Variants in CYB5R4 observed in about 807,000 individuals in gnomAD.
The protein encoded by CYB5R4 is cytochrome b5 reductase 4.
A neutral mutation model predicts 70.2 loss-of-function variants in CYB5R4; 55 were observed. The observed-to-expected ratio is 0.78, with a 90% CI of 0.63 to 0.98. CYB5R4 has a LOEUF of 0.98. CYB5R4 is among the 50% of genes least tolerant of loss of function. CYB5R4 has a pLI of 0.00. For synonymous variants in CYB5R4, 197 were observed against 199.5 expected (o/e 0.99, Z 0.11); for missense variants, 562 against 612.6 (o/e 0.92, Z 0.87).
Position 83,963,915 on chromosome 6 carries a change from T to C in CYB5R4, c.*4037T>C, listed in dbSNP as rs763967971. 13 of 179,204 alleles carry C rather than the reference T, an allele frequency of 7.3e-5. No individual in the cohort carries two copies. The highest frequency in any genetic ancestry group is 1.3e-4 in the Non-Finnish European group (11 of 87,420). 11.1% of individuals were successfully genotyped at this position (179,204 alleles called of 1,614,324 possible). On this transcript the variant is annotated 3_prime_UTR_variant, in exon 16 of 16. Transcript: ENST00000369681. ...CTGTTCTCATGGTAGTGAATAACTC[T>C]CACAAGACCTGGTGGTTTTATCAGG...
intron 4 of CYB5R4, chr6:83,909,946 G>C: frequency 1.5e-6 from 2 of 1,332,134 alleles, no homozygotes; most frequent in Non-Finnish European, 2.1e-6. Flanking sequence ...AATGTTAATA[G>C]TGTTGAAGTA....
intron 15 of CYB5R4, among the ~76,000 whole-genome samples, chr6:83,955,857 A>G (rs531310168): frequency 2.4e-4 from 37 of 152,148 alleles, no homozygotes; most frequent in Non-Finnish European, 2.1e-4. Context: ...TCTGTAACTG[A>G]GTGAAAGTAA....
intron 3 of CYB5R4, among the ~76,000 whole-genome samples, chr6:83,903,426 G>C (rs185166665): frequency 6.6e-6 from 1 of 152,012 alleles, no homozygotes; most frequent in Non-Finnish European, 1.5e-5. Flanking sequence ...TTTGGCTAGT[G>C]TTTTCTTGAC....
chr6:83,955,446 A>G lies in CYB5R4; in HGVS notation c.1495A>G (p.Thr499Ala), dbSNP rs1420026112. The G allele has an allele frequency of 1.9e-6, 3 of 1,613,788 alleles. No individual in the cohort carries two copies. The highest frequency in any genetic ancestry group is 1.7e-6 in the Non-Finnish European group (2 of 1,179,790). The change falls in exon 15 of 16, where the codon ACA becomes GCA. Residue 499 changes from threonine (T) to alanine (A), a missense_variant. Thr to Ala is a moderately conservative substitution (Grantham distance 58). Transcript: ENST00000369681. ...LVCICGPVPF[T>A]EQGVRLLHDL... ...CTGCATTTGTGGACCAGTGCCATTT[A>G]CAGAACAAGGAGTAAGGTGAGTAAC... is the stretch of plus-strand genomic sequence containing the variant.
At chr6:83,917,858 T>C (rs1343246125) in intron 5 of CYB5R4, 147 bp from the exon 6 acceptor site, 2 of 632,594 alleles carry the variant, frequency 3.2e-6, no homozygotes, top group Non-Finnish European at 5.5e-6. Context: ...GCCTTTTGGC[T>C]AAGATCAAGT....
chr6:83,937,206 C>T (rs1054556490), intron 12 of CYB5R4, among the ~76,000 whole-genome samples: 16 of 151,914 alleles, frequency 1.1e-4, no homozygotes, highest in Admixed American at 9.2e-4. Flanking sequence ...ACCCGGGAGG[C>T]GGAGGTTTCA....
At chr6:83,873,539 C>T (rs1184343080) in intron 2 of CYB5R4, among the ~76,000 whole-genome samples, 1 of 152,156 alleles carries the variant, frequency 6.6e-6, no homozygotes, top group Non-Finnish European at 1.5e-5. Flanking sequence ...CCTTCTGAGA[C>T]AGTTTTTATC....
At chr6:83,876,858 A>G (rs1246555339) in intron 2 of CYB5R4, among the ~76,000 whole-genome samples, 1 of 151,640 alleles carries the variant, frequency 6.6e-6, no homozygotes, top group Non-Finnish European at 1.5e-5. Context: ...TTTTTCAGAC[A>G]GAGTCTTGCT....
chr6:83,889,266 T>C (rs961433202), intron 2 of CYB5R4, among the ~76,000 whole-genome samples: 8 of 152,208 alleles, frequency 5.3e-5, no homozygotes, highest in Non-Finnish European at 1.2e-4. Flanking sequence ...TAGTCTTCTA[T>C]TGGCTAAAGA....
intron 1 of CYB5R4, among the ~76,000 whole-genome samples, chr6:83,861,874 G>A (rs999997707): frequency 6.6e-6 from 1 of 152,152 alleles, no homozygotes; most frequent in African/African-American, 2.4e-5. Flanking sequence ...TAGAAGTCTG[G>A]TGATGTTTTT....
chr6:83,888,682 A>G (rs1285657481), intron 2 of CYB5R4, among the ~76,000 whole-genome samples: 2 of 152,174 alleles, frequency 1.3e-5, no homozygotes, highest in Non-Finnish European at 2.9e-5. Context: ...AGGACAATTA[A>G]TATCCCTACA....
chr6:83,933,597 G>T (rs1043710025), intron 10 of CYB5R4, among the ~76,000 whole-genome samples: 12 of 152,108 alleles, frequency 7.9e-5, no homozygotes, highest in African/African-American at 2.9e-4. Flanking sequence ...TATTTTATGA[G>T]AGAGGAAATA....
chr6:83,943,788 C>T (rs1048780224), intron 14 of CYB5R4, among the ~76,000 whole-genome samples: 7 of 151,906 alleles, frequency 4.6e-5, no homozygotes, highest in Non-Finnish European at 1.0e-4. Flanking sequence ...AACTGAAAAA[C>T]AGCACGAGAA....
intron 10 of CYB5R4, among the ~76,000 whole-genome samples, chr6:83,925,967 A>G (rs1391212334): frequency 6.6e-6 from 1 of 152,066 alleles, no homozygotes; most frequent in Non-Finnish European, 1.5e-5. Flanking sequence ...TTGTTTTAGC[A>G]TCCTATTCTT....
intron 2 of CYB5R4, among the ~76,000 whole-genome samples, chr6:83,879,778 G>A (rs1021015301): frequency 6.6e-6 from 1 of 152,180 alleles, no homozygotes; most frequent in East Asian, 1.9e-4. Context: ...GTTGGCAAGT[G>A]GGGACAGAAT....
At chr6:83,867,520 A>G (rs146997444) in intron 2 of CYB5R4, among the ~76,000 whole-genome samples, 47 of 152,300 alleles carry the variant, frequency 3.1e-4, no homozygotes, top group Admixed American at 1.4e-3. Context: ...AGGTGTGGTG[A>G]ATTGAAATAG....
intron 14 of CYB5R4, among the ~76,000 whole-genome samples, chr6:83,946,415 A>G (rs1012007538): frequency 1.3e-4 from 20 of 152,300 alleles, no homozygotes; most frequent in Admixed American, 4.6e-4. Flanking sequence ...TTGATGGAAC[A>G]TATCTTAAAG....
At chr6:83,909,461 C>G (rs1209046012) in intron 4 of CYB5R4, among the ~76,000 whole-genome samples, 1 of 152,140 alleles carries the variant, frequency 6.6e-6, no homozygotes, top group Non-Finnish European at 1.5e-5. Context: ...TTGCCATGGA[C>G]CTTCCGACTC....
At chr6:83,955,266 A>G (rs775667495) in intron 14 of CYB5R4, 32 bp from the exon 15 acceptor site, 1 of 1,544,564 alleles carries the variant, frequency 6.5e-7, no homozygotes, top group Non-Finnish European at 8.8e-7. Flanking sequence ...TTAAAATAAT[A>G]AACTTTAAAA....
Sources: gnomAD v4.1 joint callset for allele counts (sites outside exome capture counted in the v4.1 genomes callset) on GRCh38, gnomAD v4.1.1 for gene constraint, MANE v1.5 for transcripts, NCBI Gene and HGNC (gene_info 2026-07-23, HGNC 2026-07-21) for gene names.